SAMD12: variants seen among roughly 807,000 people sequenced by gnomAD.
SAMD12 encodes sterile alpha motif domain-containing protein 12.
In SAMD12, 9 loss-of-function variants were observed where a neutral mutation model predicts 15.0. That is an observed-to-expected ratio of 0.60 (90% CI 0.36 to 1.05). SAMD12 has a LOEUF of 1.05. Ranked by LOEUF, SAMD12 falls within the 50% of genes least tolerant of loss-of-function variation. SAMD12 has a pLI of 0.01. For synonymous variants in SAMD12, 86 were observed against 90.1 expected, an observed-to-expected ratio of 0.96 and a Z score of 0.25; for missense variants, 230 against 234.2, an observed-to-expected ratio of 0.98 and a Z score of 0.12.
At chr8:118,381,815 G>C (rs1206755451) in intron 3 of SAMD12, among the ~76,000 whole-genome samples, 1 of 152,192 alleles carries the variant, frequency 6.6e-6, no homozygotes, top group African/African-American at 2.4e-5. Flanking sequence ...TAAAGCCATG[G>C]GAGTTTGTGA....
chr8:118,613,021 C>T (rs765353014), intron 1 of SAMD12, among the ~76,000 whole-genome samples: 102 of 152,170 alleles, frequency 6.7e-4, no homozygotes, highest in Non-Finnish European at 1.2e-3. Flanking sequence ...GGACAGACTT[C>T]AGAGCAGTAG....
the SAMD12 span, among the ~76,000 whole-genome samples, chr8:118,157,243 A>G: frequency 2.0e-5 from 3 of 152,330 alleles, no homozygotes; most frequent in African/African-American, 7.2e-5. Flanking sequence ...TGGACCAGAG[A>G]GACCTAGGCA....
At chr8:118,148,690 C>CTCATT in the SAMD12 span, among the ~76,000 whole-genome samples, 1 of 152,094 alleles carries the variant, frequency 6.6e-6, no homozygotes, top group African/African-American at 2.4e-5. Context: ...GCAGTTAATC[C>CTCATT]TCATTTCTAT....
chr8:118,158,000 G>T, the SAMD12 span, among the ~76,000 whole-genome samples: 376 of 152,256 alleles, frequency 2.5e-3, 1 homozygote, highest in African/African-American at 8.5e-3. Context: ...GGGAAGTCAG[G>T]TGGATCCCAG....
intron 4 of SAMD12, among the ~76,000 whole-genome samples, chr8:118,208,421 T>C (rs1819928430): frequency 6.6e-6 from 1 of 152,248 alleles, no homozygotes; most frequent in South Asian, 2.1e-4. Flanking sequence ...CTTGTTAAAA[T>C]GCAGATCACA....
intron 1 of SAMD12, among the ~76,000 whole-genome samples, chr8:118,610,744 ATTACTGTCT>A (rs1371597835): frequency 6.6e-6 from 1 of 152,194 alleles, no homozygotes; most frequent in African/African-American, 2.4e-5. Flanking sequence ...TGGACCAGAG[ATTACTGTCT>A]TTAGCCCTTG....
chr8:118,361,827 T>C (rs1825629), intron 4 of SAMD12, among the ~76,000 whole-genome samples: 119,857 of 152,180 alleles, frequency 0.79, 48,299 homozygotes, highest in African/African-American at 0.95. Context: ...GTCTTTTAAA[T>C]TGATGTAAGA....
At chr8:118,440,136 A>G (rs971605774) in intron 2 of SAMD12, among the ~76,000 whole-genome samples, 175 bp from the exon 3 acceptor site, 2 of 152,214 alleles carry the variant, frequency 1.3e-5, no homozygotes, top group Admixed American at 6.5e-5. Context: ...AAAAGCACAA[A>G]GAAAGGTCCA....
rs58076997 is a variant in SAMD12 at position 118,302,078 on chromosome 8, GTT to G, written c.433+77480_433+77481del. ...ATTTTCTAGCGCCAGATCTTTGAGA[GTT>G]TTTTTTTTTTTTTTTTTTTTTTTGC... On this transcript the variant is annotated intron_variant, in intron 4 of 4. Transcript: ENST00000409003. Among the ~76,000 whole-genome samples the G allele has an allele frequency of 8.1e-3, 602 of 74,626 alleles. 2 individuals are homozygous for G. Among genetic ancestry groups the G allele is most frequent in the Middle Eastern group, 0.031 (3 of 96 alleles). The allele number at this position is 74,626 out of a possible 152,430, so 49.0% of individuals were successfully genotyped here.
intron 2 of SAMD12, among the ~76,000 whole-genome samples, chr8:118,558,661 C>G (rs946685884): frequency 6.6e-6 from 1 of 152,166 alleles, no homozygotes; most frequent in Non-Finnish European, 1.5e-5. Context: ...CAGGTTCACG[C>G]CATTCTCCTG....
At chr8:118,321,677 C>T (rs928033684) in intron 4 of SAMD12, among the ~76,000 whole-genome samples, 5 of 152,058 alleles carry the variant, frequency 3.3e-5, no homozygotes, top group Non-Finnish European at 7.4e-5. Context: ...CTTCCTATGG[C>T]AGTATGACAG....
chr8:118,447,363 C>T (rs917386759), intron 2 of SAMD12, among the ~76,000 whole-genome samples: 3 of 151,638 alleles, frequency 2.0e-5, no homozygotes, highest in South Asian at 2.1e-4. Context: ...AGTGCAATGG[C>T]GCGATTTCAG....
At chr8:118,409,986 C>A (rs187475519) in intron 3 of SAMD12, among the ~76,000 whole-genome samples, 1 of 151,808 alleles carries the variant, frequency 6.6e-6, no homozygotes, top group African/African-American at 2.4e-5. Context: ...ATAAAGTACA[C>A]GTATATCTTT....
At chr8:118,509,976 C>T (rs1301559197) in intron 2 of SAMD12, among the ~76,000 whole-genome samples, 2 of 152,112 alleles carry the variant, frequency 1.3e-5, no homozygotes, top group South Asian at 2.1e-4. Context: ...TATCTGTGCA[C>T]ACTTTTGATA....
chr8:118,289,707 A>G (rs1340193722), intron 4 of SAMD12, among the ~76,000 whole-genome samples: 1 of 152,146 alleles, frequency 6.6e-6, no homozygotes, highest in Non-Finnish European at 1.5e-5. Context: ...TGGTAACTGT[A>G]TTTTTTGTTA....
downstream of SAMD12, among the ~76,000 whole-genome samples, chr8:118,187,472 C>A (rs1359253459): frequency 6.6e-6 from 1 of 152,208 alleles, no homozygotes; most frequent in East Asian, 1.9e-4. Flanking sequence ...AAGGATTTCT[C>A]TAGCACAAGA....
At chr8:118,455,721 A>T (rs929616740) in intron 2 of SAMD12, among the ~76,000 whole-genome samples, 1 of 152,196 alleles carries the variant, frequency 6.6e-6, no homozygotes, top group African/African-American at 2.4e-5. Flanking sequence ...AACAAAATTC[A>T]TGACTTCCCT....
intron 4 of SAMD12, among the ~76,000 whole-genome samples, chr8:118,226,316 T>C (rs944909950): frequency 6.6e-6 from 1 of 152,144 alleles, no homozygotes; most frequent in Non-Finnish European, 1.5e-5. Context: ...AGATACTTCT[T>C]TCTGTGGCGT....
At chr8:118,132,795 T>C in the SAMD12 span, among the ~76,000 whole-genome samples, 5 of 151,762 alleles carry the variant, frequency 3.3e-5, no homozygotes, top group Non-Finnish European at 2.9e-5. Context: ...AGTTTTTAAT[T>C]GCAGGAGCCT....
Sources: allele counts gnomAD v4.1 joint callset (sites outside exome capture counted in the v4.1 genomes callset), GRCh38; gene constraint gnomAD v4.1.1; transcripts MANE v1.5; gene names NCBI Gene and HGNC (gene_info 2026-07-23, HGNC 2026-07-21).